The following GPC6 variants were observed in gnomAD, a reference collection of about 807,000 sequenced individuals.
GPC6 encodes glypican-6.
Under a neutral mutation model 55.2 loss-of-function variants are expected in GPC6, and 14 were observed. The observed-to-expected ratio is 0.25, with a 90% CI of 0.17 to 0.40. GPC6 has a LOEUF of 0.40. Among genes scored for constraint, GPC6 ranks in the 10% least tolerant of loss-of-function variants. The pLI, the probability that GPC6 is intolerant of heterozygous loss-of-function variation, is 1.00. For missense variants in GPC6, 641 were observed against 708.5 expected (o/e 0.90, Z 1.08); for synonymous variants, 278 against 259.6 (o/e 1.07, Z -0.68).
intron 3 of GPC6, among the ~76,000 whole-genome samples, chr13:93,836,485 C>T (rs79493513): frequency 0.014 from 2,173 of 151,986 alleles, 46 homozygotes; most frequent in African/African-American, 0.05. Flanking sequence ...CACAAAAAGG[C>T]CTTAGGTGAA....
At chr13:94,293,631 G>C (rs1875139203) in intron 5 of GPC6, among the ~76,000 whole-genome samples, 1 of 152,164 alleles carries the variant, frequency 6.6e-6, no homozygotes, top group Non-Finnish European at 1.5e-5. Context: ...GGTCTTTCTA[G>C]ATGCCTTATG....
intron 1 of GPC6, among the ~76,000 whole-genome samples, chr13:93,315,922 G>A (rs1043773441): frequency 6.6e-6 from 1 of 151,800 alleles, no homozygotes; most frequent in African/African-American, 2.4e-5. Flanking sequence ...TGATCCTCTA[G>A]CTAATATGCA....
intron 3 of GPC6, among the ~76,000 whole-genome samples, chr13:93,963,949 T>C (rs1879903747): frequency 6.6e-6 from 1 of 152,192 alleles, no homozygotes; most frequent in Admixed American, 6.5e-5. Flanking sequence ...CCCTGATAAC[T>C]TGATCATTTC....
chr13:93,363,107 CT>C (rs1181781265), intron 1 of GPC6, among the ~76,000 whole-genome samples: 84 of 126,316 alleles, frequency 6.6e-4, no homozygotes, highest in African/African-American at 2.4e-3. Context: ...TTTTTCTTTC[CT>C]TTTTTTTTGT....
chr13:94,343,120 G>A (rs925811156), intron 6 of GPC6, among the ~76,000 whole-genome samples: 6 of 152,142 alleles, frequency 3.9e-5, no homozygotes, highest in Non-Finnish European at 7.4e-5. Flanking sequence ...ATGTAGCAAC[G>A]AGGTGTCTAT....
intron 1 of GPC6, among the ~76,000 whole-genome samples, chr13:93,259,103 G>A (rs768064204): frequency 4.6e-5 from 7 of 152,222 alleles, no homozygotes; most frequent in East Asian, 1.9e-4. Context: ...ATTACTTTTC[G>A]TGCTGCTTTA....
intron 6 of GPC6, among the ~76,000 whole-genome samples, chr13:94,308,503 GT>G (rs1876072635): frequency 6.6e-6 from 1 of 152,132 alleles, no homozygotes; most frequent in Non-Finnish European, 1.5e-5. Context: ...AAAATGATTG[GT>G]AATGGTTAAA....
intron 3 of GPC6, among the ~76,000 whole-genome samples, chr13:94,008,262 A>G (rs1882099187): frequency 6.6e-6 from 1 of 152,232 alleles, no homozygotes; most frequent in African/African-American, 2.4e-5. Flanking sequence ...TTTGAATTAG[A>G]GGCAGAGATC....
At chr13:93,868,482 A>T (rs901863148) in intron 3 of GPC6, among the ~76,000 whole-genome samples, 1 of 151,848 alleles carries the variant, frequency 6.6e-6, no homozygotes, top group African/African-American at 2.4e-5. Flanking sequence ...ACTTAAGTGT[A>T]CAATTTCACA....
At chr13:93,369,576 T>G (rs1881378784) in intron 1 of GPC6, among the ~76,000 whole-genome samples, 1 of 152,140 alleles carries the variant, frequency 6.6e-6, no homozygotes, top group Non-Finnish European at 1.5e-5. Flanking sequence ...TCACAGCATG[T>G]AAGGCTATTA....
intron 1 of GPC6, among the ~76,000 whole-genome samples, chr13:93,389,793 A>G (rs1215979215): frequency 6.6e-6 from 1 of 150,396 alleles, no homozygotes; most frequent in South Asian, 2.1e-4. Context: ...CTACCATCAG[A>G]AAAAAAAACA....
intron 6 of GPC6, among the ~76,000 whole-genome samples, chr13:94,338,110 C>T (rs747636580): frequency 2.6e-5 from 4 of 152,176 alleles, no homozygotes; most frequent in South Asian, 2.1e-4. Flanking sequence ...TAGCAACAAT[C>T]GTTTTAAAAA....
intron 1 of GPC6, among the ~76,000 whole-genome samples, chr13:93,322,865 T>C (rs1315119114): frequency 6.6e-6 from 1 of 152,148 alleles, no homozygotes; most frequent in Non-Finnish European, 1.5e-5. Context: ...GGTATACGCG[T>C]GCCATGGTGG....
chr13:93,813,838 C>A (rs2138955091), intron 2 of GPC6, among the ~76,000 whole-genome samples: 1 of 151,328 alleles, frequency 6.6e-6, no homozygotes, highest in South Asian at 2.1e-4. Flanking sequence ...TACTACCTTG[C>A]AAAAAGAGCC....
intron 4 of GPC6, among the ~76,000 whole-genome samples, chr13:94,112,403 T>C (rs569405146): frequency 1.3e-5 from 2 of 152,276 alleles, no homozygotes; most frequent in South Asian, 4.1e-4. Context: ...CGCTAGGATG[T>C]GGTAGTGAGG....
chr13:94,080,045 T>C (rs1885051063), intron 4 of GPC6, among the ~76,000 whole-genome samples: 1 of 152,216 alleles, frequency 6.6e-6, no homozygotes. Context: ...CTTTCCCTCT[T>C]TCTGGGACAA....
Position 93,343,786 on chromosome 13 carries a change from C to T in GPC6, c.160+116170C>T, listed in dbSNP as rs117411972. 4.1e-4 allele frequency among the ~76,000 whole-genome samples: 63 copies of T among 152,276 alleles called. 2 individuals are homozygous for T. In the East Asian group the frequency reaches 0.012, roughly 29 times the overall value. ...TTATTTTCTACCCTTTGCAGCTTTG[C>T]TCCTTGGGTTCTTTCTGTTTGGAAT... On this transcript the variant is annotated intron_variant, in intron 1 of 8. Transcript: ENST00000377047.
chr13:94,260,368 A>C (rs1891621996), intron 4 of GPC6, among the ~76,000 whole-genome samples: 1 of 152,188 alleles, frequency 6.6e-6, no homozygotes, highest in Admixed American at 6.5e-5. Context: ...AGTGGCTTAA[A>C]CAACAGAAAT....
chr13:94,295,104 G>A (rs1412704407), intron 5 of GPC6, among the ~76,000 whole-genome samples: 1 of 152,146 alleles, frequency 6.6e-6, no homozygotes. Context: ...TTTAGACTAG[G>A]ATAGCAGTTA....
Sources: gnomAD v4.1 joint callset for allele counts (sites outside exome capture counted in the v4.1 genomes callset) on GRCh38, gnomAD v4.1.1 for gene constraint, MANE v1.5 for transcripts, NCBI Gene and HGNC (gene_info 2026-07-23, HGNC 2026-07-21) for gene names.